Variants in AP3D1 observed in about 807,000 individuals in gnomAD.
AP3D1 encodes the protein AP-3 complex subunit delta-1.
A neutral mutation model predicts 147.6 loss-of-function variants in AP3D1; 51 were observed. That is an observed-to-expected ratio of 0.35 (90% confidence interval 0.28 to 0.44). The LOEUF (loss-of-function observed/expected upper bound fraction) is 0.44, where lower values mean the gene tolerates loss of function less well. Ranked by LOEUF, AP3D1 falls within the 20% of genes least tolerant of loss-of-function variation. The pLI, the probability that AP3D1 is intolerant of heterozygous loss-of-function variation, is 1.00. For synonymous variants in AP3D1, 760 were observed against 663.0 expected, an observed-to-expected ratio of 1.15 and a Z score of -2.25; for missense variants, 1,421 against 1,624.2, an observed-to-expected ratio of 0.87 and a Z score of 2.15.
At chr19:2,162,498 T>C (rs1271543413) in intron 1 of AP3D1, among the ~76,000 whole-genome samples, 1 of 151,066 alleles carries the variant, frequency 6.6e-6, no homozygotes, top group Non-Finnish European at 1.5e-5. Context: ...GCATCTCTAC[T>C]AAAACTACAA....
Position 2,123,353 on chromosome 19 carries a change from C to T in AP3D1, c.955+5G>A. ...AATGACAGCACTGGGGAGGGGATGA[C>T]TCACAGTTCTGATCGGAGTCCTCGA... On this transcript the variant is annotated splice_donor_5th_base_variant and intron_variant, in intron 11 of 31. Transcript: ENST00000643116. 2 of 1,613,044 alleles carry T rather than the reference C, an allele frequency of 1.2e-6. No homozygotes were observed.
chr19:2,104,666 GT>G (rs967229513), intron 31 of AP3D1, among the ~76,000 whole-genome samples: 3,725 of 113,480 alleles, frequency 0.033, 43 homozygotes, highest in African/African-American at 0.08. Flanking sequence ...TCTGACACAA[GT>G]TTTTTTTTTT....
Position 2,101,973 on chromosome 19 carries a change from G to A in AP3D1, c.*200C>T. The A allele has an allele frequency of 1.8e-6, 1 of 562,520 alleles. No individual in the cohort carries two copies. Among genetic ancestry groups the A allele is most frequent in the Admixed American group, 3.4e-5 (1 of 29,240 alleles). The allele number at this position is 562,520 out of a possible 1,614,324, so 34.8% of individuals were successfully genotyped here. A position where few individuals can be genotyped will look rare whatever the true frequency, so the allele number is the denominator to read the frequency against. ...AGGGGACTTCTTGCCAAAGAGAATG[G>A]GAAGAGTCACAGTAAAAAAGGATGG... On this transcript the variant is annotated 3_prime_UTR_variant, in exon 32 of 32. Transcript: ENST00000643116.
chr19:2,158,969 A>C (rs1347834246), intron 1 of AP3D1, among the ~76,000 whole-genome samples: 1 of 151,866 alleles, frequency 6.6e-6, no homozygotes, highest in Admixed American at 6.6e-5. Flanking sequence ...TCTAGGTCAG[A>C]TCTCTTTCAC....
intron 10 of AP3D1, among the ~76,000 whole-genome samples, chr19:2,123,626 T>C (rs2018669898): frequency 6.6e-6 from 1 of 152,094 alleles, no homozygotes; most frequent in Non-Finnish European, 1.5e-5. Context: ...CAGTGCCCCA[T>C]GCATCCACCC....
intron 16 of AP3D1, 155 bp downstream of exon 16, chr19:2,117,067 G>A: frequency 2.0e-6 from 2 of 983,304 alleles, no homozygotes; most frequent in Admixed American, 3.1e-5. Flanking sequence ...TGAGAGACCT[G>A]GTGAGTCCGT....
At chr19:2,132,754 T>C (rs954318861) in intron 4 of AP3D1, among the ~76,000 whole-genome samples, 176 bp from the exon 5 acceptor site, 1 of 152,080 alleles carries the variant, frequency 6.6e-6, no homozygotes, top group African/African-American at 2.4e-5. Flanking sequence ...GAAGCTGAAC[T>C]CGGACAAGGA....
chr19:2,105,330 A>G (rs1246278195), intron 31 of AP3D1, among the ~76,000 whole-genome samples: 1 of 152,222 alleles, frequency 6.6e-6, no homozygotes, highest in East Asian at 1.9e-4. Flanking sequence ...CCTAACGCCC[A>G]CGCTGGAAGG....
At chr19:2,140,755 CTTT>C (rs71176516) in intron 1 of AP3D1, among the ~76,000 whole-genome samples, 37 of 107,202 alleles carry the variant, frequency 3.5e-4, no homozygotes, top group African/African-American at 6.0e-4. Flanking sequence ...ACACAAACGT[CTTT>C]TTTTTTTTTT....
At chr19:2,107,492 G>A (rs1250611196) in intron 31 of AP3D1, among the ~76,000 whole-genome samples, 4 of 151,854 alleles carry the variant, frequency 2.6e-5, no homozygotes, top group Non-Finnish European at 1.5e-5. Context: ...TGTAATCCTA[G>A]CACTTTGGGA....
At chr19:2,103,516 G>A (rs954750234) in intron 31 of AP3D1, among the ~76,000 whole-genome samples, 1 of 152,188 alleles carries the variant, frequency 6.6e-6, no homozygotes, top group Admixed American at 6.5e-5. Flanking sequence ...AAGCCACCCC[G>A]TGAAGCTGCT....
At position 2,108,930 on chromosome 19, in the gene AP3D1, C is replaced by A. The variant is rs56123473; in HGVS notation, c.3472+156G>T. The A allele has an allele frequency of 0.15, 195,115 of 1,333,536 alleles. 15,432 individuals carry two copies. Among genetic ancestry groups the A allele is most frequent in the Non-Finnish European group, 0.16 (157,479 of 983,900 alleles). The allele number at this position is 1,333,536 out of a possible 1,614,324, so 82.6% of individuals were successfully genotyped here. On this transcript the variant is annotated intron_variant, in intron 30 of 31. Transcript: ENST00000643116. ...GCCTGGGGTGTGGGGAATGCAGCCC[C>A]CGCACCAGCTCCCAGGCCTCGGGGC...
chr19:2,116,877 G>A, intron 16 of AP3D1, 131 bp from the exon 17 acceptor site: 1 of 1,230,542 alleles, frequency 8.1e-7, no homozygotes, highest in Non-Finnish European at 1.1e-6. Context: ...CACCCACACA[G>A]GGCCAGCGAG....
chr19:2,103,367 TC>T (rs760214371), intron 31 of AP3D1, among the ~76,000 whole-genome samples: 21 of 151,948 alleles, frequency 1.4e-4, no homozygotes, highest in Non-Finnish European at 2.5e-4. Context: ...AAGACCAGAA[TC>T]CGAAGAGCTC....
intron 2 of AP3D1, 63 bp from the exon 3 acceptor site, chr19:2,137,870 G>A (rs1241431399): frequency 2.1e-5 from 32 of 1,492,280 alleles, no homozygotes; most frequent in Middle Eastern, 1.7e-4. Flanking sequence ...GTTTTGAGCC[G>A]CGGCATCAAG....
At chr19:2,143,943 C>T (rs949446811) in intron 1 of AP3D1, among the ~76,000 whole-genome samples, 6 of 151,706 alleles carry the variant, frequency 4.0e-5, no homozygotes, top group Admixed American at 1.3e-4. Flanking sequence ...CAAAATTAGC[C>T]GGGGTGGTGG....
intron 1 of AP3D1, among the ~76,000 whole-genome samples, chr19:2,159,247 C>G (rs909822001): frequency 6.7e-6 from 1 of 148,204 alleles, no homozygotes; most frequent in Non-Finnish European, 1.5e-5. Context: ...GAGACGGAGT[C>G]TCCCTCTGTC....
rs1451276476 is a variant in AP3D1, at chr19:2,110,173, G to A, written c.3227C>T (p.Ala1076Val). 18 of 1,612,924 alleles carry A rather than the reference G, an allele frequency of 1.1e-5. No homozygotes were observed. The highest frequency in any genetic ancestry group is 4.5e-5 in the East Asian group (2 of 44,882). The stretch of plus-strand genomic sequence containing the variant: ...GGACAGGGTCCCCTTGAGCTTCTGC[G>A]CCATGACGATGCTCTGGATGGTGAA... ...YVFTIQSIVM[A>V]QKLKGTLSFI... The change falls in exon 28 of 32, where the codon GCG becomes GTG. Residue 1076 changes from alanine (A) to valine (V), a missense_variant. This residue lies in a region of AP3D1 where 791 missense variants were observed against 761.4 expected (regional missense o/e 1.04). Transcript: ENST00000643116.
At chr19:2,114,087 G>A in intron 22 of AP3D1, 38 bp downstream of exon 22, 3 of 1,538,800 alleles carry the variant, frequency 1.9e-6, no homozygotes, top group South Asian at 1.2e-5. Context: ...GCAAGGGAGG[G>A]GAATGGAGAA....
Sources: gnomAD v4.1 joint callset for allele counts (sites outside exome capture counted in the v4.1 genomes callset) on GRCh38, gnomAD v4.1.1 for gene constraint, gnomAD v4.1.1 regional missense constraint, MANE v1.5 for transcripts, NCBI Gene and HGNC (gene_info 2026-07-23, HGNC 2026-07-21) for gene names.